Variants in MRPS23 observed in about 807,000 individuals in gnomAD.
The protein encoded by MRPS23 is small ribosomal subunit protein mS23.
Under a neutral mutation model 19.8 loss-of-function variants are expected in MRPS23, and 14 were observed. The observed-to-expected ratio is 0.71, with a 90% confidence interval of 0.47 to 1.11. The LOEUF is 1.11. MRPS23 is among the 50% of genes least tolerant of loss of function. The pLI, the probability that MRPS23 is intolerant of heterozygous loss-of-function variation, is 0.00. For synonymous variants in MRPS23, 113 were observed against 89.7 expected, an observed-to-expected ratio of 1.26 and a Z score of -1.47; for missense variants, 242 against 236.7, an observed-to-expected ratio of 1.02 and a Z score of -0.15.
chr17:57,838,920 G>C lies in MRPS23; in HGVS notation c.*863C>G, dbSNP rs966204830. On this transcript the variant is annotated 3_prime_UTR_variant, in exon 5 of 5. Coordinates refer to ENST00000313608, the MANE Select transcript of MRPS23 (RefSeq NM_016070.4). ...TGGCTTGACCACATATACAAAGGCT[G>C]CAATCTCAGAGGGATATTTCATGTA... is the stretch of plus-strand genomic sequence containing the variant. The C allele has an allele frequency of 5.3e-5, 8 of 152,342 alleles. No homozygotes were observed. Among genetic ancestry groups the C allele is most frequent in the African/African-American group, 1.4e-4 (6 of 41,578 alleles). The allele number at this position is 152,342 out of a possible 1,614,324, so 9.4% of individuals were successfully genotyped here.
chr17:57,837,311 G>T lies in MRPS23; in HGVS notation c.*2472C>A, dbSNP rs987229880. 6.6e-6 allele frequency: 1 copy of T among 152,152 alleles called. No homozygotes were observed. Among genetic ancestry groups the T allele is most frequent in the Non-Finnish European group, 1.5e-5 (1 of 68,036 alleles). The allele number at this position is 152,152 out of a possible 1,614,324, so 9.4% of individuals were successfully genotyped here. A position where few individuals can be genotyped will look rare whatever the true frequency, so the allele number is the denominator to read the frequency against. ...GAGTATAGTTAAGCACAATTTCTAT[G>T]GACGAAGATATCAAAACTCAAAATG... On this transcript the variant is annotated 3_prime_UTR_variant, in exon 5 of 5. Coordinates refer to ENST00000313608, the MANE Select transcript of MRPS23 (RefSeq NM_016070.4).
chr17:57,843,432 T>G (rs1292533080), intron 2 of MRPS23, among the ~76,000 whole-genome samples: 2 of 152,226 alleles, frequency 1.3e-5, no homozygotes, highest in Non-Finnish European at 2.9e-5. Context: ...CTGAATTTCC[T>G]TTTCTGTGAA....
rs1455308103 is a variant in MRPS23 at position 57,841,346 on chromosome 17, G to A, written c.216-86C>T. 7.8e-6 allele frequency: 11 copies of A among 1,417,888 alleles called. No homozygotes were observed. The African/African-American group carries it at 1.3e-4, about 17-fold the overall frequency. 87.8% of individuals were successfully genotyped at this position (1,417,888 alleles called of 1,614,324 possible). A position where few individuals can be genotyped will look rare whatever the true frequency, so the allele number is the denominator to read the frequency against. ...TAAAAGAAATAAAGAATAAGTGCTA[G>A]GCACTGAGGAGTTAAGTACGGTATA... On this transcript the variant is annotated intron_variant, in intron 2 of 4. Transcript: ENST00000313608.
chr17:57,848,959 T>C (rs922509816), intron 2 of MRPS23: 4 of 342,168 alleles, frequency 1.2e-5, no homozygotes, highest in Non-Finnish European at 1.6e-5. Context: ...AATGAGATAA[T>C]GCTTGCAAAG....
chr17:57,850,026 C>T lies in MRPS23; in HGVS notation c.-16G>A, dbSNP rs560256951. 3.6e-4 allele frequency: 580 copies of T among 1,589,302 alleles called. 6 individuals carry two copies. The South Asian group carries it at 6.2e-3, about 17-fold the overall frequency. ...TGCCTGCCATGATCTGCGCCTGGTA[C>T]CGAGCGTGACTAGCTGCTACCGGAA... On this transcript the variant is annotated 5_prime_UTR_variant, in exon 1 of 5. Transcript: ENST00000313608.
chr17:57,842,887 T>TAAAC (rs1209375203), intron 2 of MRPS23, among the ~76,000 whole-genome samples: 1 of 97,540 alleles, frequency 1.0e-5, no homozygotes, highest in African/African-American at 4.3e-5. Flanking sequence ...AAAATATATA[T>TAAAC]ATATACACAC....
intron 2 of MRPS23, among the ~76,000 whole-genome samples, chr17:57,845,693 T>C (rs945434022): frequency 1.3e-5 from 2 of 152,196 alleles, no homozygotes; most frequent in Non-Finnish European, 2.9e-5. Flanking sequence ...TTCAGAAAAC[T>C]AATAAAATTC....
At chr17:57,849,029 T>A in intron 2 of MRPS23, 1 of 596,780 alleles carries the variant, frequency 1.7e-6, no homozygotes, top group Non-Finnish European at 2.9e-6. Context: ...ATAATTGCAA[T>A]GATCTTTCGG....
At chr17:57,847,417 C>A (rs2073783437) in intron 2 of MRPS23, among the ~76,000 whole-genome samples, 1 of 151,852 alleles carries the variant, frequency 6.6e-6, no homozygotes, top group East Asian at 2.0e-4. Flanking sequence ...AATCCCAGCA[C>A]TTTGGGAGGC....
At position 57,838,367 on chromosome 17, in the gene MRPS23, A is replaced by C. The variant is rs550255702; in HGVS notation, c.*1416T>G. The stretch of plus-strand genomic sequence containing the variant: ...CAAACAAAAATAGCAAAAATGGGAC[A>C]TCAATCCAGACATGAAGGAAAAAAA... On this transcript the variant is annotated 3_prime_UTR_variant, in exon 5 of 5. Transcript: ENST00000313608. 2.6e-5 allele frequency: 4 copies of C among 151,602 alleles called. No homozygotes were observed. In the South Asian group the frequency reaches 8.3e-4, roughly 32 times the overall value. 9.4% of individuals were successfully genotyped at this position (151,602 alleles called of 1,614,324 possible).
chr17:57,840,457 C>G (rs532442227), intron 4 of MRPS23, among the ~76,000 whole-genome samples: 35 of 151,580 alleles, frequency 2.3e-4, no homozygotes, highest in African/African-American at 8.0e-4. Context: ...TTTCAAGTAG[C>G]AGTCATTACC....
intron 2 of MRPS23, among the ~76,000 whole-genome samples, chr17:57,845,193 A>G (rs2073764883): frequency 6.6e-6 from 1 of 152,200 alleles, no homozygotes; most frequent in Non-Finnish European, 1.5e-5. Flanking sequence ...CAAAGCACAA[A>G]TGATTTTAAT....
Position 57,839,122 on chromosome 17 carries a change from C to T in MRPS23, c.*661G>A, listed in dbSNP as rs1402077975. Reference sequence around the variant, plus strand: ...GAATCCAGTCTTTAGCTGGATATAACCATTCGTTCACTCATTCATTCAACA... The same window carrying T: ...GAATCCAGTCTTTAGCTGGATATAATCATTCGTTCACTCATTCATTCAACA... On this transcript the variant is annotated 3_prime_UTR_variant, in exon 5 of 5. Transcript: ENST00000313608. 1 of 152,250 alleles carries T rather than the reference C, an allele frequency of 6.6e-6. No homozygotes were observed. Among genetic ancestry groups the T allele is most frequent in the Non-Finnish European group, 1.5e-5 (1 of 68,060 alleles). 9.4% of individuals were successfully genotyped at this position (152,250 alleles called of 1,614,324 possible). A position where few individuals can be genotyped will look rare whatever the true frequency, so the allele number is the denominator to read the frequency against.
chr17:57,843,743 T>C (rs962368730), intron 2 of MRPS23, among the ~76,000 whole-genome samples: 1 of 152,200 alleles, frequency 6.6e-6, no homozygotes, highest in Non-Finnish European at 1.5e-5. Context: ...TCCAGAACTA[T>C]GAGAAAGAAA....
chr17:57,848,363 T>C (rs2073789942), intron 2 of MRPS23, among the ~76,000 whole-genome samples: 1 of 149,276 alleles, frequency 6.7e-6, no homozygotes, highest in African/African-American at 2.5e-5. Context: ...TAAAAAAAAA[T>C]AAAGAACACA....
chr17:57,847,235 T>C (rs1309172723), intron 2 of MRPS23, among the ~76,000 whole-genome samples: 2 of 140,640 alleles, frequency 1.4e-5, no homozygotes, highest in East Asian at 4.1e-4. Context: ...GGAGGTTGCA[T>C]GGGGCTGAAA....
Position 57,839,435 on chromosome 17 carries a change from G to A in MRPS23, c.*348C>T, listed in dbSNP as rs1317842796. Reference sequence around the variant, plus strand: ...AGAAATATGTACCCGGGAATCAGATGTAGCCAGCCCACATACTAACAAACA... The same window carrying A: ...AGAAATATGTACCCGGGAATCAGATATAGCCAGCCCACATACTAACAAACA... On this transcript the variant is annotated 3_prime_UTR_variant, in exon 5 of 5. Transcript: ENST00000313608. 2 of 171,194 alleles carry A rather than the reference G, an allele frequency of 1.2e-5. No individual in the cohort carries two copies. The highest frequency in any genetic ancestry group is 2.4e-5 in the African/African-American group (1 of 42,118). The allele number at this position is 171,194 out of a possible 1,614,324, so 10.6% of individuals were successfully genotyped here. A position where few individuals can be genotyped will look rare whatever the true frequency, so the allele number is the denominator to read the frequency against.
At chr17:57,845,266 A>G (rs2073765305) in intron 2 of MRPS23, among the ~76,000 whole-genome samples, 1 of 152,248 alleles carries the variant, frequency 6.6e-6, no homozygotes, top group African/African-American at 2.4e-5. Context: ...AAAAGCATTT[A>G]ATCTCCTCAA....
In MRPS23 at chr17:57,849,903, T is replaced by C. The variant is rs917245694; in HGVS notation, c.44+64A>G. 36 of 1,537,464 alleles carry C rather than the reference T, an allele frequency of 2.3e-5. No homozygotes were observed. In the African/African-American group the frequency reaches 4.1e-4, roughly 18 times the overall value. ...CTCAGGTCCGCTCCAAGGAAGAGCG[T>C]GACCGGCTGAGAACCCCAGCCTGGG... On this transcript the variant is annotated intron_variant, in intron 1 of 4. Coordinates refer to ENST00000313608, the MANE Select transcript of MRPS23 (RefSeq NM_016070.4).
Sources: gnomAD v4.1 joint callset for allele counts (sites outside exome capture counted in the v4.1 genomes callset) on GRCh38, gnomAD v4.1.1 for gene constraint, MANE v1.5 for transcripts, NCBI Gene and HGNC (gene_info 2026-07-23, HGNC 2026-07-21) for gene names.